ZNF521: variants seen among roughly 807,000 people sequenced by gnomAD.
The protein encoded by ZNF521 is LYST-interacting protein 3.
In ZNF521, 14 loss-of-function variants were observed where a neutral mutation model predicts 105.5. The ratio of observed to expected loss-of-function variants is 0.13; its 90% CI spans 0.09 to 0.21. ZNF521 has a LOEUF of 0.21. ZNF521 is among the 10% of genes least tolerant of loss of function. The pLI is 1.00. For missense variants in ZNF521, 1,233 were observed against 1,629.7 expected (o/e 0.76, Z 4.19); for synonymous variants, 635 against 606.0 (o/e 1.05, Z -0.70).
At chr18:25,180,287 A>G (rs896423984) in intron 5 of ZNF521, among the ~76,000 whole-genome samples, 9 of 152,214 alleles carry the variant, frequency 5.9e-5, no homozygotes, top group African/African-American at 2.2e-4. Context: ...CCCTGGACAT[A>G]GAATGCAATA....
chr18:25,074,039 T>TAC (rs2033290154), intron 7 of ZNF521, among the ~76,000 whole-genome samples: 4 of 144,944 alleles, frequency 2.8e-5, no homozygotes, highest in African/African-American at 7.8e-5. Context: ...TGCGTGCATG[T>TAC]GTGTGTCTGT....
At chr18:25,241,296 A>G (rs1392908651) in intron 3 of ZNF521, among the ~76,000 whole-genome samples, 1 of 152,146 alleles carries the variant, frequency 6.6e-6, no homozygotes, top group Non-Finnish European at 1.5e-5. Context: ...AGACACGAAA[A>G]CCTGCCACTT....
chr18:25,116,423 C>T (rs1275683682), intron 5 of ZNF521, among the ~76,000 whole-genome samples: 1 of 152,050 alleles, frequency 6.6e-6, no homozygotes, highest in Admixed American at 6.6e-5. Flanking sequence ...AAACAAACTA[C>T]AAAAACTAAC....
chr18:25,144,808 GGAGGAAAGAGTGA>G (rs1184937378), intron 5 of ZNF521, among the ~76,000 whole-genome samples: 3 of 152,188 alleles, frequency 2.0e-5, no homozygotes, highest in African/African-American at 7.2e-5. Context: ...GGAAAACGCA[GGAGGAAAGAGTGA>G]TTTTAGAATC....
chr18:25,063,189 C>T (rs1240813188), intron 7 of ZNF521, among the ~76,000 whole-genome samples: 3 of 152,178 alleles, frequency 2.0e-5, no homozygotes, highest in African/African-American at 7.2e-5. Flanking sequence ...TGGATCTGTG[C>T]GTGATTTCCA....
chr18:25,352,072 C>A lies in ZNF521; in HGVS notation c.-69G>T, dbSNP rs1914821484. 1 of 496,808 alleles carries A rather than the reference C, an allele frequency of 2.0e-6. No homozygotes were observed. Among genetic ancestry groups the A allele is most frequent in the Non-Finnish European group, 4.0e-6 (1 of 247,498 alleles). 30.8% of individuals were successfully genotyped at this position (496,808 alleles called of 1,614,324 possible). A position where few individuals can be genotyped will look rare whatever the true frequency, so the allele number is the denominator to read the frequency against. ...AATAATGGAAAATGGAAGCAAGGCC[C>A]CCAAAGCCATCAGGATGGCTCCAGA... On this transcript the variant is annotated 5_prime_UTR_variant, in exon 1 of 8. Transcript: ENST00000361524.
rs1392958690 is a variant in ZNF521 at position 25,338,321 on chromosome 18, CAACAGAA to C, written c.40+12579_40+12585del. Among the ~76,000 whole-genome samples the C allele has an allele frequency of 1.6e-4, 22 of 137,276 alleles. No individual in the cohort carries two copies. In the East Asian group the frequency reaches 3.9e-3, roughly 24 times the overall value. The allele number at this position is 137,276 out of a possible 152,430, so 90.1% of individuals were successfully genotyped here. On this transcript the variant is annotated intron_variant, in intron 2 of 7. Coordinates refer to ENST00000361524, the MANE Select transcript of ZNF521 (RefSeq NM_015461.3). The stretch of plus-strand genomic sequence containing the variant: ...TGTAAACTACAATTAAGAATAAAGA[CAACAGAA>C]AAGGCATAGGAAATGTGAGTTGAAA...
intron 5 of ZNF521, among the ~76,000 whole-genome samples, chr18:25,180,521 A>AAAC (rs547273803): frequency 3.4e-4 from 51 of 152,120 alleles, no homozygotes; most frequent in African/African-American, 1.2e-3. Context: ...GCAAAAAAAA[A>AAAC]AAACCCCACA....
At position 25,225,880 on chromosome 18, in the gene ZNF521, G is replaced by A. The variant is rs1906089872; in HGVS notation, c.2038C>T (p.Leu680=). Residue 680 remains leucine, a synonymous_variant, in exon 4 of 8, where the codon CTG becomes TTG. Transcript: ENST00000361524. This position sits in a 1 kb window ranked among gnomAD's most constrained non-coding sequence, Gnocchi z 5.6. The stretch of plus-strand genomic sequence containing the variant: ...ATAAAGTGAATGGTAACATGCTTCA[G>A]CAAGGATTCTTGGTTGGGGAATTCC... ...NKEFPNQESL[L]KHVTIHFMIT... The A allele has an allele frequency of 6.2e-7, 1 of 1,614,184 alleles. No individual in the cohort carries two copies. The highest frequency in any genetic ancestry group is 8.5e-7 in the Non-Finnish European group (1 of 1,180,018).
At chr18:25,278,996 T>A (rs930598564) in intron 3 of ZNF521, among the ~76,000 whole-genome samples, 3 of 152,172 alleles carry the variant, frequency 2.0e-5, no homozygotes, top group Non-Finnish European at 4.4e-5. Context: ...GTGGAGAAAC[T>A]GGTGGGGGAA....
intron 6 of ZNF521, among the ~76,000 whole-genome samples, chr18:25,091,430 A>C (rs2033744377): frequency 6.7e-6 from 1 of 149,562 alleles, no homozygotes. Flanking sequence ...CTAAAAATCC[A>C]ATTTCATAGG....
intron 5 of ZNF521, among the ~76,000 whole-genome samples, chr18:25,158,972 A>C (rs1418066665): frequency 6.6e-6 from 1 of 151,882 alleles, no homozygotes; most frequent in Non-Finnish European, 1.5e-5. Flanking sequence ...AAAAAAAGAA[A>C]GGTAAAACTA....
At chr18:25,150,863 T>C (rs2035033217) in intron 5 of ZNF521, among the ~76,000 whole-genome samples, 1 of 151,666 alleles carries the variant, frequency 6.6e-6, no homozygotes, top group Non-Finnish European at 1.5e-5. Flanking sequence ...ACTCTCCAGC[T>C]GGCTCCAGCT....
chr18:25,068,674 A>G (rs1284325768), intron 7 of ZNF521, among the ~76,000 whole-genome samples: 1 of 152,122 alleles, frequency 6.6e-6, no homozygotes, highest in Non-Finnish European at 1.5e-5. Flanking sequence ...CTCAAAATAA[A>G]GCTTTCTTTA....
At chr18:25,099,100 G>A (rs761300283) in intron 5 of ZNF521, among the ~76,000 whole-genome samples, 1 of 152,144 alleles carries the variant, frequency 6.6e-6, no homozygotes, top group African/African-American at 2.4e-5. Flanking sequence ...AGTTCCAGGA[G>A]GGCAAGGGTA....
chr18:25,235,780 C>T (rs1906849332), intron 3 of ZNF521, among the ~76,000 whole-genome samples: 1 of 152,152 alleles, frequency 6.6e-6, no homozygotes, highest in South Asian at 2.1e-4. Context: ...TCACTGCAGA[C>T]AAGGCCACTA....
At chr18:25,086,815 T>C (rs145179930) in intron 7 of ZNF521, among the ~76,000 whole-genome samples, 1 of 152,236 alleles carries the variant, frequency 6.6e-6, no homozygotes, top group East Asian at 1.9e-4. Context: ...AATGTTTTGG[T>C]AGATGTTTGA....
chr18:25,133,672 C>T (rs1361080731), intron 5 of ZNF521, among the ~76,000 whole-genome samples: 1 of 152,136 alleles, frequency 6.6e-6, no homozygotes, highest in Non-Finnish European at 1.5e-5. Context: ...TATAGTTTTA[C>T]CTCCTGTTAC....
intron 4 of ZNF521, among the ~76,000 whole-genome samples, chr18:25,212,528 AAAAAAAAAAAATATATATATAT>A (rs2036203164): frequency 2.7e-5 from 3 of 111,142 alleles, no homozygotes; most frequent in African/African-American, 1.3e-4. Context: ...AAAAAAAAAA[AAAAAAAAAAAATATATATATAT>A]ATATATATAT....
Sources: allele counts gnomAD v4.1 joint callset (sites outside exome capture counted in the v4.1 genomes callset), GRCh38; gene constraint gnomAD v4.1.1; non-coding constraint Gnocchi (gnomAD v3.1); transcripts MANE v1.5; gene names NCBI Gene and HGNC (gene_info 2026-07-23, HGNC 2026-07-21).